FLRT1: variants seen among roughly 807,000 people sequenced by gnomAD.
The protein encoded by FLRT1 is fibronectin leucine rich transmembrane protein 1.
In FLRT1, 14 loss-of-function variants were observed where a neutral mutation model predicts 30.9. The observed-to-expected ratio is 0.45, with a 90% CI of 0.30 to 0.71. The LOEUF (loss-of-function observed/expected upper bound fraction) is 0.71. Among genes scored for constraint, FLRT1 ranks in the 30% least tolerant of loss-of-function variants. The pLI is 0.08. For missense variants in FLRT1, 737 were observed against 949.2 expected (o/e 0.78, Z 2.94); for synonymous variants, 368 against 430.4 (o/e 0.85, Z 1.80).
At chr11:64,044,771 C>G (rs320140) in intron 1 of FLRT1, among the ~76,000 whole-genome samples, 5,005 of 152,214 alleles carry the variant, frequency 0.033, 263 homozygotes, top group African/African-American at 0.11. Context: ...CATGCTCCCC[C>G]CTCACCAGAC....
chr11:64,091,900 C>A (rs889247950), intron 1 of FLRT1, among the ~76,000 whole-genome samples: 28 of 152,226 alleles, frequency 1.8e-4, no homozygotes, highest in Non-Finnish European at 3.2e-4. Context: ...TCTGGCCACT[C>A]TTCTCTGTGT....
chr11:64,118,433 G>A lies in FLRT1; in HGVS notation c.*141G>A, dbSNP rs149522186. 361 of 1,082,386 alleles carry A rather than the reference G, an allele frequency of 3.3e-4. No individual in the cohort carries two copies. The African/African-American group carries it at 5.1e-3, about 15-fold the overall frequency. The allele number at this position is 1,082,386 out of a possible 1,614,324, so 67.0% of individuals were successfully genotyped here. On this transcript the variant is annotated 3_prime_UTR_variant, in exon 3 of 3. Coordinates refer to ENST00000682287, the MANE Select transcript of FLRT1 (RefSeq NM_013280.5). ...TTCCTCCGCAGAAAGCAAAGTTTGG[G>A]GAGGGCTGACGATTTTGTAGAACAC...
chr11:64,116,658 G>A lies in FLRT1; in HGVS notation c.391G>A (p.Glu131Lys). 6.2e-7 allele frequency: 1 copy of A among 1,613,962 alleles called. No individual in the cohort carries two copies. The highest frequency in any genetic ancestry group is 8.5e-7 in the Non-Finnish European group (1 of 1,180,004). ...FPINLPRSLR[E>K]LHLQDNNVRT... ...CATCAACCTGCCCCGCTCCCTCCGGGAGCTGCACCTGCAGGACAACAATGT... is the reference window on the plus strand; with the variant it reads ...CATCAACCTGCCCCGCTCCCTCCGGAAGCTGCACCTGCAGGACAACAATGT... Residue 131 changes from glutamate (E) to lysine (K), a missense_variant, in exon 3 of 3, where the codon GAG becomes AAG. By Grantham distance (56) the Glu-to-Lys change is moderately conservative. Coordinates refer to ENST00000682287, the MANE Select transcript of FLRT1 (RefSeq NM_013280.5).
chr11:64,065,658 C>T (rs1000753272), intron 1 of FLRT1, among the ~76,000 whole-genome samples: 14 of 152,074 alleles, frequency 9.2e-5, no homozygotes, highest in Non-Finnish European at 1.9e-4. Context: ...GGCATGGTGG[C>T]GGCCGCCTGT....
At chr11:64,077,549 C>A (rs1944224892) in intron 1 of FLRT1, among the ~76,000 whole-genome samples, 2 of 152,078 alleles carry the variant, frequency 1.3e-5, no homozygotes. Flanking sequence ...AGGGGCGGGG[C>A]AGGGGGGGTC....
intron 1 of FLRT1, among the ~76,000 whole-genome samples, chr11:64,071,967 C>G (rs988591747): frequency 6.6e-6 from 1 of 152,218 alleles, no homozygotes; most frequent in African/African-American, 2.4e-5. Context: ...GCCTCAGCTG[C>G]CGAGGGGAAC....
At chr11:64,045,597 G>A (rs1326424354) in intron 1 of FLRT1, among the ~76,000 whole-genome samples, 2 of 152,144 alleles carry the variant, frequency 1.3e-5, no homozygotes, top group South Asian at 2.1e-4. Flanking sequence ...GAGCAGCGGC[G>A]TTCAGCTGGG....
intron 1 of FLRT1, among the ~76,000 whole-genome samples, chr11:64,066,727 G>A (rs1944013143): frequency 6.6e-6 from 1 of 151,994 alleles, no homozygotes; most frequent in Non-Finnish European, 1.5e-5. Context: ...AGAGCCCCCA[G>A]GCATGAGGCT....
chr11:64,073,895 G>GT (rs1228620346), intron 1 of FLRT1, among the ~76,000 whole-genome samples: 1 of 152,168 alleles, frequency 6.6e-6, no homozygotes, highest in Non-Finnish European at 1.5e-5. Context: ...CAGCCACTTA[G>GT]GGGCTCTGGG....
chr11:64,068,940 C>T (rs1349709881), intron 1 of FLRT1, among the ~76,000 whole-genome samples: 1 of 152,254 alleles, frequency 6.6e-6, no homozygotes, highest in Non-Finnish European at 1.5e-5. Context: ...CAGAGTGGCC[C>T]AGGTGCCAAC....
rs1944472661 is a variant in FLRT1 at position 64,090,626 on chromosome 11, C to A, written c.-1037-12568C>A. 6.6e-6 allele frequency among the ~76,000 whole-genome samples: 1 copy of A among 152,204 alleles called. No homozygotes were observed. The highest frequency in any genetic ancestry group is 6.5e-5 in the Admixed American group (1 of 15,286). On this transcript the variant is annotated intron_variant, in intron 1 of 2. Coordinates refer to ENST00000682287, the MANE Select transcript of FLRT1 (RefSeq NM_013280.5). This position sits in a 1 kb window ranked among gnomAD's most constrained non-coding sequence, Gnocchi z 4.7. ...GCCATCGCCGCAGGAGGGGTCCCAG[C>A]TGGAGCACTGCGCAGCCCCAGGCCT... is the stretch of plus-strand genomic sequence containing the variant.
intron 1 of FLRT1, among the ~76,000 whole-genome samples, chr11:64,074,129 G>C (rs1944158871): frequency 6.6e-6 from 1 of 152,222 alleles, no homozygotes; most frequent in African/African-American, 2.4e-5. Flanking sequence ...GAGTCATCTA[G>C]AATGTCACAA....
chr11:64,088,519 G>A (rs1944434773), intron 1 of FLRT1, among the ~76,000 whole-genome samples: 1 of 152,214 alleles, frequency 6.6e-6, no homozygotes, highest in African/African-American at 2.4e-5. Flanking sequence ...GGACGGCAGA[G>A]GCTGACTCTC....
Position 64,117,300 on chromosome 11 carries a change from G to A in FLRT1, c.1033G>A (p.Ala345Thr). ...NLMWLRDWVK[A>T]RAAVVNVRGL... ...CATGTGGCTGCGGGACTGGGTGAAG[G>A]CACGGGCGGCCGTGGTCAACGTGCG... Residue 345 changes from alanine (A) to threonine (T), a missense_variant, in exon 3 of 3, where the codon GCA becomes ACA. Ala to Thr is a moderately conservative substitution (Grantham distance 58). Coordinates refer to ENST00000682287, the MANE Select transcript of FLRT1 (RefSeq NM_013280.5). 6.2e-7 allele frequency: 1 copy of A among 1,614,140 alleles called. No individual in the cohort carries two copies. Among genetic ancestry groups the A allele is most frequent in the Non-Finnish European group, 8.5e-7 (1 of 1,180,012 alleles).
At chr11:64,047,286 T>A (rs143034497) in intron 1 of FLRT1, among the ~76,000 whole-genome samples, 3 of 152,142 alleles carry the variant, frequency 2.0e-5, no homozygotes, top group Non-Finnish European at 4.4e-5. Context: ...GATAAATGGC[T>A]TTCTTTGTAC....
chr11:64,089,240 C>T (rs537955413), intron 1 of FLRT1, among the ~76,000 whole-genome samples: 41 of 152,248 alleles, frequency 2.7e-4, no homozygotes, highest in African/African-American at 8.2e-4. Flanking sequence ...GTGAGGGCCC[C>T]GGGCTCTGGG....
chr11:64,042,226 G>C (rs893433917), intron 1 of FLRT1, among the ~76,000 whole-genome samples: 1 of 152,152 alleles, frequency 6.6e-6, no homozygotes, highest in Non-Finnish European at 1.5e-5. Context: ...TTCCTCTCCT[G>C]TCTTCCCTGA....
In FLRT1 at chr11:64,116,852, G is replaced by T. The variant is rs563036980; in HGVS notation, c.585G>T (p.Gly195=). The T allele has an allele frequency of 1.2e-6, 2 of 1,612,478 alleles. No individual in the cohort carries two copies. Among genetic ancestry groups the T allele is most frequent in the African/African-American group, 1.3e-5 (1 of 74,932 alleles). ...ACCACCTGAGCAGCATCCCCTCGGG[G>T]CTGCCGCACACGCTGGAGGAGCTGC... ...SRNHLSSIPS[G]LPHTLEELRL... is the part of the protein sequence containing the mutation. The change falls in exon 3 of 3, where the codon GGG becomes GGT. Residue 195 remains glycine, a synonymous_variant. Coordinates refer to ENST00000682287, the MANE Select transcript of FLRT1 (RefSeq NM_013280.5).
chr11:64,087,697 A>T (rs1037201853), intron 1 of FLRT1, among the ~76,000 whole-genome samples: 6 of 152,144 alleles, frequency 3.9e-5, no homozygotes, highest in Admixed American at 6.5e-5. Flanking sequence ...TGATCTCATG[A>T]TGCTGCATGC....
Sources: allele counts gnomAD v4.1 joint callset (sites outside exome capture counted in the v4.1 genomes callset), GRCh38; gene constraint gnomAD v4.1.1; non-coding constraint Gnocchi (gnomAD v3.1); transcripts MANE v1.5; gene names NCBI Gene and HGNC (gene_info 2026-07-23, HGNC 2026-07-21).